The following UBE2C variants were observed in gnomAD, a reference collection of about 807,000 sequenced individuals.
UBE2C encodes ubiquitin-conjugating enzyme E2 C.
Under a neutral mutation model 23.5 loss-of-function variants are expected in UBE2C, and 16 were observed. The observed-to-expected ratio is 0.68, with a 90% CI of 0.46 to 1.03. The LOEUF is 1.03. Ranked by LOEUF, UBE2C falls within the 50% of genes least tolerant of loss-of-function variation. The pLI, the probability that UBE2C is intolerant of heterozygous loss-of-function variation, is 0.00. For missense variants in UBE2C, 192 were observed against 227.6 expected, an observed-to-expected ratio of 0.84 and a Z score of 1.01; for synonymous variants, 76 against 91.6, an observed-to-expected ratio of 0.83 and a Z score of 0.97.
At position 45,812,712 on chromosome 20, in the gene UBE2C, G is replaced by T; in HGVS notation, c.17G>T (p.Arg6Leu). The part of the protein sequence containing the change: MASQN[R>L]DPAATSVAAA... ...GCCGCCCGGATGGCTTCCCAAAACC[G>T]CGACCCAGCCGCCACTAGCGTCGCC... Residue 6 changes from arginine (R) to leucine (L), a missense_variant, in exon 1 of 6, where the codon CGC becomes CTC. Physicochemically the swap from Arg to Leu is moderately radical, Grantham distance 102. Transcript: ENST00000356455. 6.4e-7 allele frequency: 1 copy of T among 1,551,412 alleles called. No homozygotes were observed. The highest frequency in any genetic ancestry group is 1.2e-5 in the South Asian group (1 of 84,128).
In UBE2C at chr20:45,815,527, T is replaced by C. The variant is rs369963837; in HGVS notation, c.217-14T>C. The stretch of plus-strand genomic sequence containing the variant: ...TGCTGGAGCTTACTCTGCAACTGTT[T>C]CTCCAAATGCCAGGTATATGAAGAC... On this transcript the variant is annotated splice_polypyrimidine_tract_variant and intron_variant, in intron 3 of 5. Transcript: ENST00000356455. 3 of 1,614,040 alleles carry C rather than the reference T, an allele frequency of 1.9e-6. No homozygotes were observed. The highest frequency in any genetic ancestry group is 1.6e-4 in the Middle Eastern group (1 of 6,062).
intron 3 of UBE2C, 51 bp from the exon 4 acceptor site, chr20:45,815,490 A>T: frequency 6.2e-7 from 1 of 1,614,132 alleles, no homozygotes; most frequent in Non-Finnish European, 8.5e-7. Flanking sequence ...TTGGGTTGGG[A>T]CATGAGGCTG....
At position 45,813,453 on chromosome 20, in the gene UBE2C, A is replaced by G. The variant is rs138058971; in HGVS notation, c.118A>G (p.Met40Val). ...TTTTTTCAGGCTACAGCAGGAGCTG[A>G]TGACCCTCATGGTGAGTGATTAAGT... The part of the protein sequence containing the change: ...PVGKRLQQEL[M>V]TLMMSGDKGI... Residue 40 changes from methionine (M) to valine (V), a missense_variant, in exon 2 of 6, where the codon ATG (methionine) becomes GTG (valine). Physicochemically the swap from Met to Val is conservative, Grantham distance 21 (BLOSUM62 1). Coordinates refer to ENST00000356455, the MANE Select transcript of UBE2C (RefSeq NM_007019.4). 6.8e-6 allele frequency: 11 copies of G among 1,614,006 alleles called. No individual in the cohort carries two copies. The African/African-American group carries it at 1.5e-4, about 22-fold the overall frequency.
At chr20:45,814,842 T>A (rs980460550) in intron 3 of UBE2C, among the ~76,000 whole-genome samples, 6 of 151,788 alleles carry the variant, frequency 4.0e-5, no homozygotes, top group Non-Finnish European at 7.4e-5. Context: ...TCTTTTTTTT[T>A]TTTTTTTGAG....
At chr20:45,814,136 C>CTT (rs1255227380) in intron 2 of UBE2C, among the ~76,000 whole-genome samples, 2 of 145,394 alleles carry the variant, frequency 1.4e-5, no homozygotes, top group African/African-American at 5.5e-5. Flanking sequence ...CAATCTCTCT[C>CTT]TCTCTCTCTC....
chr20:45,816,888 G>C lies in UBE2C; in HGVS notation c.*121G>C. 1 of 873,190 alleles carries C rather than the reference G, an allele frequency of 1.1e-6. No individual in the cohort carries two copies. The allele number at this position is 873,190 out of a possible 1,614,324, so 54.1% of individuals were successfully genotyped here. Reference sequence around the variant, plus strand: ...GCTGTGGTATTTTTGTTTTGTTTTTGTCTTTTAAATTAAGCCTCGGTTGAG... The same window carrying C: ...GCTGTGGTATTTTTGTTTTGTTTTTCTCTTTTAAATTAAGCCTCGGTTGAG... On this transcript the variant is annotated 3_prime_UTR_variant, in exon 6 of 6. Coordinates refer to ENST00000356455, the MANE Select transcript of UBE2C (RefSeq NM_007019.4).
chr20:45,813,311 G>A, intron 1 of UBE2C, 126 bp from the exon 2 acceptor site: 1 of 1,590,268 alleles, frequency 6.3e-7, no homozygotes, highest in Non-Finnish European at 8.5e-7. Flanking sequence ...CCTGAGCTGA[G>A]CCTGACCTTG....
At chr20:45,814,146 C>CTCTATA (rs1158772080) in intron 2 of UBE2C, among the ~76,000 whole-genome samples, 3 of 133,898 alleles carry the variant, frequency 2.2e-5, no homozygotes, top group African/African-American at 8.2e-5. Flanking sequence ...CTCTCTCTCT[C>CTCTATA]TATATATATA....
Position 45,812,790 on chromosome 20 carries a change from G to A in UBE2C, c.95G>A (p.Gly32Asp), listed in dbSNP as rs1356214083. 3 of 1,555,432 alleles carry A rather than the reference G, an allele frequency of 1.9e-6. No individual in the cohort carries two copies. Among genetic ancestry groups the A allele is most frequent in the Non-Finnish European group, 2.6e-6 (3 of 1,149,740 alleles). The change falls in exon 1 of 6, where the codon GGC becomes GAC. Residue 32 changes from glycine (G) to aspartate (D), a missense_variant. Physicochemically the swap from Gly to Asp is moderately conservative, Grantham distance 94 (BLOSUM62 -1). Coordinates refer to ENST00000356455, the MANE Select transcript of UBE2C (RefSeq NM_007019.4). Reference protein sequence around the residue: ...PSGGAARGPVGKRLQQELMTL... With the variant: ...PSGGAARGPVDKRLQQELMTL... ...GGGGGCGCCGCCCGGGGTCCGGTGG[G>A]CAAAAGGTGAGTGATGCGGCCTACC... is the stretch of plus-strand genomic sequence containing the variant.
chr20:45,812,888 C>T lies in UBE2C; in HGVS notation c.101+92C>T. On this transcript the variant is annotated intron_variant, in intron 1 of 5. Transcript: ENST00000356455. Reference sequence around the variant, plus strand: ...TTTCTAGGACCACCCCCCGCCGCCACCTCCTGGAGCGGGAGATCTGCGGGT... The same window carrying T: ...TTTCTAGGACCACCCCCCGCCGCCATCTCCTGGAGCGGGAGATCTGCGGGT... 2.8e-6 allele frequency: 4 copies of T among 1,454,212 alleles called. No homozygotes were observed. In the South Asian group the frequency reaches 4.2e-5, roughly 15 times the overall value. 90.1% of individuals were successfully genotyped at this position (1,454,212 alleles called of 1,614,324 possible). A position where few individuals can be genotyped will look rare whatever the true frequency, so the allele number is the denominator to read the frequency against.
rs1183032909 is a variant in UBE2C at position 45,815,457 on chromosome 20, C to T, written c.217-84C>T. ...TCCGGTCCCAGAGAAACTCAAGATTCTAGCAAGCCCCTTGTGTGGGGCTTG... is the reference window on the plus strand; with the variant it reads ...TCCGGTCCCAGAGAAACTCAAGATTTTAGCAAGCCCCTTGTGTGGGGCTTG... On this transcript the variant is annotated intron_variant, in intron 3 of 5. Coordinates refer to ENST00000356455, the MANE Select transcript of UBE2C (RefSeq NM_007019.4). 1.9e-6 allele frequency: 3 copies of T among 1,614,118 alleles called. No individual in the cohort carries two copies. The South Asian group carries it at 3.3e-5, about 18-fold the overall frequency.
At chr20:45,814,550 CT>C in intron 3 of UBE2C, 80 bp downstream of exon 3, 1 of 1,178,270 alleles carries the variant, frequency 8.5e-7, no homozygotes, top group South Asian at 1.3e-5. Flanking sequence ...TGCTTCAAGC[CT>C]TTGGCGGAGC....
chr20:45,813,532 G>T (rs1369389585), intron 2 of UBE2C, 68 bp downstream of exon 2: 2 of 1,608,440 alleles, frequency 1.2e-6, no homozygotes. Context: ...TTTTCCGTCA[G>T]CTTTTTTGCT....
chr20:45,815,255 AC>A (rs1982393323), intron 3 of UBE2C: 5 of 826,224 alleles, frequency 6.1e-6, no homozygotes, highest in Admixed American at 2.8e-5. Context: ...ATAGTGGCTC[AC>A]ACCTGTAATC....
Position 45,814,478 on chromosome 20 carries a change from T to TAGGGCTGGGATGGGTG in UBE2C, c.216+11_216+26dup. 6.2e-7 allele frequency: 1 copy of TAGGGCTGGGATGGGTG among 1,603,776 alleles called. No homozygotes were observed. Among genetic ancestry groups the TAGGGCTGGGATGGGTG allele is most frequent in the Non-Finnish European group, 8.5e-7 (1 of 1,174,184 alleles). ...CATGGAGCAGCTGGAACAGTAAGTG[T>TAGGGCTGGGATGGGTG]AGGGCTGGGATGGGTGAGTGAGTCT... On this transcript the variant is annotated intron_variant, in intron 3 of 5. Transcript: ENST00000356455.
chr20:45,815,330 G>T, intron 3 of UBE2C: 1 of 1,526,776 alleles, frequency 6.5e-7, no homozygotes, highest in East Asian at 2.3e-5. Context: ...ACTGGCCTGG[G>T]CAACATGGTG....
rs1196726774 is a variant in UBE2C, at chr20:45,815,290, A to G, written c.217-251A>G. On this transcript the variant is annotated intron_variant, in intron 3 of 5. Coordinates refer to ENST00000356455, the MANE Select transcript of UBE2C (RefSeq NM_007019.4). ...TCTCAGCACTTTGGGAGGCTGAGGC[A>G]GGCAGATCACATGAGCCCAGGAGTT... The G allele has an allele frequency of 1.3e-5, 16 of 1,277,094 alleles. No homozygotes were observed. In the Admixed American group the frequency reaches 2.8e-4, roughly 22 times the overall value. 79.1% of individuals were successfully genotyped at this position (1,277,094 alleles called of 1,614,324 possible). A position where few individuals can be genotyped will look rare whatever the true frequency, so the allele number is the denominator to read the frequency against.
chr20:45,813,072 G>A (rs1982076050), intron 1 of UBE2C: 1 of 1,407,718 alleles, frequency 7.1e-7, no homozygotes, highest in Non-Finnish European at 9.2e-7. Context: ...TCCCGAAGGA[G>A]AATGGGAGGG....
Position 45,816,823 on chromosome 20 carries a change from T to C in UBE2C, c.*56T>C. The C allele has an allele frequency of 6.7e-7, 1 of 1,491,750 alleles. No homozygotes were observed. The allele number at this position is 1,491,750 out of a possible 1,614,324, so 92.4% of individuals were successfully genotyped here. A position where few individuals can be genotyped will look rare whatever the true frequency, so the allele number is the denominator to read the frequency against. The stretch of plus-strand genomic sequence containing the variant: ...CTTTTTAATTTTTCCTTAGATGGTC[T>C]GTCCTTTTTGTGATTTCTGTATAGG... On this transcript the variant is annotated 3_prime_UTR_variant, in exon 6 of 6. Coordinates refer to ENST00000356455, the MANE Select transcript of UBE2C (RefSeq NM_007019.4).
Sources: allele counts gnomAD v4.1 joint callset (sites outside exome capture counted in the v4.1 genomes callset), GRCh38; gene constraint gnomAD v4.1.1; transcripts MANE v1.5; gene names NCBI Gene and HGNC (gene_info 2026-07-23, HGNC 2026-07-21).